The following DNAJC12 variants were observed in gnomAD, a reference collection of about 807,000 sequenced individuals.
DNAJC12 encodes the protein DnaJ heat shock protein family (Hsp40) member C12.
In DNAJC12, 25 loss-of-function variants were observed where a neutral mutation model predicts 28.5. That is an observed-to-expected ratio of 0.88 (90% CI 0.64 to 1.22). The LOEUF is 1.22. DNAJC12 is among the 50% of genes most tolerant of loss of function. The pLI is 0.00. For missense variants in DNAJC12, 222 were observed against 231.7 expected (o/e 0.96, Z 0.27); for synonymous variants, 77 against 80.6 (o/e 0.95, Z 0.24).
intron 3 of DNAJC12, among the ~76,000 whole-genome samples, chr10:67,810,582 A>G (rs1841849325): frequency 6.6e-6 from 1 of 152,196 alleles, no homozygotes; most frequent in African/African-American, 2.4e-5. Context: ...GCAGAAACAC[A>G]GGGTTGATGG....
At chr10:67,800,665 G>A (rs1841733538) in intron 4 of DNAJC12, among the ~76,000 whole-genome samples, 1 of 152,184 alleles carries the variant, frequency 6.6e-6, no homozygotes, top group Admixed American at 6.5e-5. Flanking sequence ...ATTTTTCTTG[G>A]TGGGACGCGG....
intron 2 of DNAJC12, among the ~76,000 whole-genome samples, chr10:67,819,815 A>G (rs1489863497): frequency 6.6e-6 from 1 of 150,768 alleles, no homozygotes. Flanking sequence ...GAAGGAAGGA[A>G]GGAATGTTTA....
chr10:67,808,669 A>G (rs1216009577), intron 3 of DNAJC12: 1 of 152,308 alleles, frequency 6.6e-6, no homozygotes, highest in East Asian at 1.9e-4. Context: ...GCCAGTAAAC[A>G]TTGGCACAAC....
intron 1 of DNAJC12, among the ~76,000 whole-genome samples, chr10:67,829,424 A>G (rs1842070400): frequency 6.6e-6 from 1 of 152,056 alleles, no homozygotes; most frequent in South Asian, 2.1e-4. Flanking sequence ...GTGGATCACG[A>G]GGTCAAGAGA....
intron 3 of DNAJC12, among the ~76,000 whole-genome samples, chr10:67,807,210 G>T (rs1488196193): frequency 2.0e-5 from 3 of 151,916 alleles, no homozygotes. Context: ...GCAGTGAGCT[G>T]GTATCGCACC....
intron 1 of DNAJC12, among the ~76,000 whole-genome samples, chr10:67,836,513 C>T (rs1419557459): frequency 6.6e-6 from 1 of 151,936 alleles, no homozygotes; most frequent in Non-Finnish European, 1.5e-5. Flanking sequence ...TAAATTATTC[C>T]TTCAAAAATT....
intron 2 of DNAJC12, among the ~76,000 whole-genome samples, chr10:67,819,626 G>A (rs1408229476): frequency 1.4e-5 from 2 of 147,114 alleles, no homozygotes; most frequent in African/African-American, 2.5e-5. Context: ...GCAACAAAGT[G>A]AGACTGTCAC....
chr10:67,803,786 A>G (rs552973856), intron 4 of DNAJC12, among the ~76,000 whole-genome samples: 11 of 152,368 alleles, frequency 7.2e-5, no homozygotes, highest in African/African-American at 2.4e-4. Flanking sequence ...GTGTTTGCTT[A>G]AAACACTGTT....
intron 1 of DNAJC12, among the ~76,000 whole-genome samples, chr10:67,831,204 G>A (rs545892865): frequency 8.0e-4 from 121 of 151,986 alleles, no homozygotes; most frequent in African/African-American, 2.5e-3. Flanking sequence ...ACATACATAC[G>A]TACATACATA....
chr10:67,807,356 G>A (rs1339092853), intron 3 of DNAJC12, among the ~76,000 whole-genome samples: 2 of 152,154 alleles, frequency 1.3e-5, no homozygotes, highest in Admixed American at 6.6e-5. Context: ...CAATATGTGT[G>A]GGAAGGGAAT....
At chr10:67,817,502 T>C (rs1429109794) in intron 2 of DNAJC12, among the ~76,000 whole-genome samples, 1 of 152,254 alleles carries the variant, frequency 6.6e-6, no homozygotes, top group African/African-American at 2.4e-5. Flanking sequence ...GCTTTTCACC[T>C]TAATTAGATA....
rs756827625 is a variant in DNAJC12 at position 67,823,344 on chromosome 10, G to T, written c.127C>A (p.Pro43Thr). The change falls in exon 2 of 5, where the codon CCA becomes ACA. Residue 43 changes from proline to threonine, a missense_variant. Pro to Thr is a conservative substitution (Grantham distance 38). Transcript: ENST00000225171. ...EFKVRALECH[P>T]DKHPENPKAV... is the part of the protein sequence containing the mutation. ...TTGGGGTTTTCAGGATGCTTGTCTG[G>T]GTGACATTCCAGAGCTCTGACTTTA... 3 of 1,613,930 alleles carry T rather than the reference G, an allele frequency of 1.9e-6. No homozygotes were observed. The highest frequency in any genetic ancestry group is 2.5e-6 in the Non-Finnish European group (3 of 1,179,972).
intron 3 of DNAJC12, among the ~76,000 whole-genome samples, chr10:67,810,281 C>T (rs1274564925): frequency 1.3e-5 from 2 of 152,128 alleles, no homozygotes; most frequent in Non-Finnish European, 2.9e-5. Flanking sequence ...CATCAGGACC[C>T]TCATCCAATT....
At chr10:67,804,700 A>C (rs1841781369) in intron 4 of DNAJC12, among the ~76,000 whole-genome samples, 1 of 152,222 alleles carries the variant, frequency 6.6e-6, no homozygotes, top group East Asian at 1.9e-4. Flanking sequence ...CAGTGGATTT[A>C]TAAATGATTC....
At chr10:67,806,378 AC>A (rs1423994670) in intron 3 of DNAJC12, among the ~76,000 whole-genome samples, 2 of 152,162 alleles carry the variant, frequency 1.3e-5, no homozygotes, top group African/African-American at 2.4e-5. Context: ...CCCACCTTCA[AC>A]CTATCTCTTC....
chr10:67,819,761 A>AGGAGGGAAGGAAGGAAGG (rs1564863540), intron 2 of DNAJC12, among the ~76,000 whole-genome samples: 7 of 16,094 alleles, frequency 4.3e-4, no homozygotes, highest in African/African-American at 1.2e-3. Flanking sequence ...GAAGGAAGGA[A>AGGAGGGAAGGAAGGAAGG]GGAAGGAAGG....
intron 4 of DNAJC12, among the ~76,000 whole-genome samples, chr10:67,803,216 A>G (rs1841765696): frequency 6.6e-6 from 1 of 152,230 alleles, no homozygotes. Context: ...ATAACTAAGA[A>G]GACATAGATG....
chr10:67,811,700 G>A (rs7908622), intron 2 of DNAJC12, 37 bp from the exon 3 acceptor site: 53 of 1,594,762 alleles, frequency 3.3e-5, no homozygotes, highest in Admixed American at 1.2e-4. Flanking sequence ...CTTCTCTCTC[G>A]GAGAGGATAT....
At chr10:67,831,814 A>G (rs569053798) in intron 1 of DNAJC12, among the ~76,000 whole-genome samples, 2 of 152,232 alleles carry the variant, frequency 1.3e-5, no homozygotes, top group African/African-American at 4.8e-5. Flanking sequence ...CTGGCCCAAC[A>G]GGAAATGTTC....
Sources: gnomAD v4.1 joint callset for allele counts (sites outside exome capture counted in the v4.1 genomes callset) on GRCh38, gnomAD v4.1.1 for gene constraint, MANE v1.5 for transcripts, NCBI Gene and HGNC (gene_info 2026-07-23, HGNC 2026-07-21) for gene names.